Variants in TAF3 observed in about 807,000 individuals in gnomAD.
TAF3 encodes the protein TATA-box binding protein associated factor 3, also known as transcription initiation factor TFIID subunit 3.
Under a neutral mutation model 80.6 loss-of-function variants are expected in TAF3, and 7 were observed. The observed-to-expected ratio is 0.09, with a 90% CI of 0.05 to 0.16. The LOEUF is 0.16. Ranked by LOEUF, TAF3 falls within the 10% of genes least tolerant of loss-of-function variation. The probability of loss-of-function intolerance (pLI) is 1.00; values close to 1 mark genes in which losing one functional copy is unlikely to be tolerated. For synonymous variants in TAF3, 444 were observed against 446.1 expected, an observed-to-expected ratio of 1.00 and a Z score of 0.06; for missense variants, 921 against 1,140.2, an observed-to-expected ratio of 0.81 and a Z score of 2.77.
chr10:7,930,025 G>A (rs1466876508), intron 2 of TAF3, among the ~76,000 whole-genome samples: 3 of 152,144 alleles, frequency 2.0e-5, no homozygotes, highest in Non-Finnish European at 4.4e-5. Context: ...ACGATAGGGA[G>A]GCCCTGACCC....
intron 2 of TAF3, among the ~76,000 whole-genome samples, chr10:7,853,438 C>T (rs1041120012): frequency 1.3e-5 from 2 of 152,042 alleles, no homozygotes; most frequent in Non-Finnish European, 2.9e-5. Flanking sequence ...ATTGTCTAGA[C>T]GTCAGGAGGT....
intron 3 of TAF3, among the ~76,000 whole-genome samples, 179 bp from the exon 4 acceptor site, chr10:7,977,062 T>C (rs1391690658): frequency 6.6e-6 from 1 of 152,250 alleles, no homozygotes; most frequent in Non-Finnish European, 1.5e-5. Flanking sequence ...GAATTTCTCA[T>C]GATGCCAGGT....
At chr10:7,955,020 C>T (rs564632950) in intron 2 of TAF3, among the ~76,000 whole-genome samples, 10 of 141,294 alleles carry the variant, frequency 7.1e-5, no homozygotes, top group South Asian at 6.9e-4. Flanking sequence ...GAATTAGTCC[C>T]AGTTAACACA....
intron 4 of TAF3, among the ~76,000 whole-genome samples, chr10:7,989,104 G>A (rs1831808566): frequency 6.6e-6 from 1 of 152,170 alleles, no homozygotes; most frequent in African/African-American, 2.4e-5. Context: ...GATCTACCAA[G>A]ATTTCAACCC....
At chr10:8,004,224 T>G (rs577062975) in intron 4 of TAF3, among the ~76,000 whole-genome samples, 78 of 152,156 alleles carry the variant, frequency 5.1e-4, no homozygotes, top group Non-Finnish European at 1.1e-3. Flanking sequence ...CTAATTTTTG[T>G]ATTTTTAATA....
intron 2 of TAF3, among the ~76,000 whole-genome samples, chr10:7,927,603 T>C (rs1005519663): frequency 2.0e-5 from 3 of 152,206 alleles, no homozygotes; most frequent in African/African-American, 7.2e-5. Context: ...TCTACAAAAA[T>C]GATTGCTCTA....
chr10:7,888,403 T>G (rs61833223), intron 2 of TAF3, among the ~76,000 whole-genome samples: 1 of 152,226 alleles, frequency 6.6e-6, no homozygotes, highest in African/African-American at 2.4e-5. Context: ...AAAAAAAGTT[T>G]CTTGAATATT....
intron 3 of TAF3, among the ~76,000 whole-genome samples, chr10:7,967,697 A>G (rs1831586363): frequency 6.6e-6 from 1 of 152,240 alleles, no homozygotes; most frequent in Non-Finnish European, 1.5e-5. Flanking sequence ...ATGAGAACAT[A>G]CAAGGTGTGC....
intron 2 of TAF3, among the ~76,000 whole-genome samples, chr10:7,914,612 C>T (rs952130342): frequency 2.0e-5 from 3 of 152,162 alleles, no homozygotes; most frequent in Admixed American, 2.0e-4. Flanking sequence ...ATGATGTTTG[C>T]ATTTTGATGT....
At position 7,911,641 on chromosome 10, in the gene TAF3, A is replaced by G. The variant is rs962756618; in HGVS notation, c.410-52279A>G. On this transcript the variant is annotated intron_variant, in intron 2 of 6. Transcript: ENST00000344293. ...GCAAAGGAGGTGGGTTGTGGGACAC[A>G]GTTTTCATTCATCCTGAACGTACGC... 2.0e-5 allele frequency among the ~76,000 whole-genome samples: 3 copies of G among 152,226 alleles called. No homozygotes were observed. The East Asian group carries it at 5.8e-4, about 29-fold the overall frequency.
At chr10:7,850,894 C>T (rs900166636) in intron 2 of TAF3, among the ~76,000 whole-genome samples, 1 of 152,056 alleles carries the variant, frequency 6.6e-6, no homozygotes, top group African/African-American at 2.4e-5. Context: ...TGTTATGGTA[C>T]TTATTATTCA....
At chr10:7,887,749 G>C (rs1837421759) in intron 2 of TAF3, among the ~76,000 whole-genome samples, 1 of 151,896 alleles carries the variant, frequency 6.6e-6, no homozygotes, top group African/African-American at 2.4e-5. Context: ...GGAAAGTTAA[G>C]GATAGAGAAG....
At chr10:7,908,713 A>C (rs1837628719) in intron 2 of TAF3, among the ~76,000 whole-genome samples, 1 of 152,268 alleles carries the variant, frequency 6.6e-6, no homozygotes, top group Admixed American at 6.5e-5. Flanking sequence ...ACATTTTTCA[A>C]GCCACAAAAC....
Position 7,964,431 on chromosome 10 carries a change from A to G in TAF3, c.921A>G (p.Lys307=). 4 of 1,614,036 alleles carry G rather than the reference A, an allele frequency of 2.5e-6. No individual in the cohort carries two copies. The highest frequency in any genetic ancestry group is 3.4e-6 in the Non-Finnish European group (4 of 1,180,042). The change falls in exon 3 of 7, where the codon AAA becomes AAG. Residue 307 remains lysine (K), a synonymous_variant. Coordinates refer to ENST00000344293, the MANE Select transcript of TAF3 (RefSeq NM_031923.4). The surrounding 1 kb of genome is among the most constrained non-coding windows in gnomAD (Gnocchi z 4.1). ...TTCGATCACCAAAAACTGTATCCAA[A>G]GAAAAGAAATCACCTGGACGTTCCA... The part of the protein sequence containing the change: ...SPIRSPKTVS[K]EKKSPGRSKS...
At position 7,964,621 on chromosome 10, in the gene TAF3, C is replaced by G. The variant is rs1160064143; in HGVS notation, c.1111C>G (p.Leu371Val). ...QIQTPPDAGKLNSENQPKKAV... is the reference protein window; with the variant it reads ...QIQTPPDAGKVNSENQPKKAV... Reference sequence around the variant, plus strand: ...ACAGACACCCCCTGATGCTGGGAAACTGAACAGTGAGAATCAGCCGAAAAA... The same window carrying G: ...ACAGACACCCCCTGATGCTGGGAAAGTGAACAGTGAGAATCAGCCGAAAAA... The change falls in exon 3 of 7, where the codon CTG (leucine) becomes GTG (valine). Residue 371 changes from leucine to valine, a missense_variant. This residue lies in a region of TAF3 where 743 missense variants were observed against 821.0 expected (regional missense o/e 0.90). Transcript: ENST00000344293. The surrounding 1 kb of genome is among the most constrained non-coding windows in gnomAD (Gnocchi z 4.1). 6.2e-7 allele frequency: 1 copy of G among 1,614,018 alleles called. No homozygotes were observed. Among genetic ancestry groups the G allele is most frequent in the African/African-American group, 1.3e-5 (1 of 74,898 alleles).
intron 4 of TAF3, among the ~76,000 whole-genome samples, chr10:7,990,139 A>T (rs1398230456): frequency 6.6e-6 from 1 of 152,186 alleles, no homozygotes. Flanking sequence ...TATATCTCTA[A>T]TGTGTGTTAT....
At chr10:7,895,829 G>A (rs1453590062) in intron 2 of TAF3, among the ~76,000 whole-genome samples, 1 of 152,204 alleles carries the variant, frequency 6.6e-6, no homozygotes, top group Non-Finnish European at 1.5e-5. Context: ...AATGTGCGCA[G>A]TTTTTCTGGC....
chr10:7,913,967 C>T (rs1324713732), intron 2 of TAF3, among the ~76,000 whole-genome samples: 1 of 151,950 alleles, frequency 6.6e-6, no homozygotes, highest in African/African-American at 2.4e-5. Context: ...AAATCAGTGG[C>T]ATGAAAAAAA....
chr10:7,901,243 C>G (rs1837555559), intron 2 of TAF3, among the ~76,000 whole-genome samples: 1 of 152,070 alleles, frequency 6.6e-6, no homozygotes, highest in African/African-American at 2.4e-5. Flanking sequence ...AAAAAGAAAA[C>G]TTTAAAATAC....
Sources: gnomAD v4.1 joint callset for allele counts (sites outside exome capture counted in the v4.1 genomes callset) on GRCh38, gnomAD v4.1.1 for gene constraint, gnomAD v4.1.1 regional missense constraint, Gnocchi (gnomAD v3.1) non-coding constraint, MANE v1.5 for transcripts, NCBI Gene and HGNC (gene_info 2026-07-23, HGNC 2026-07-21) for gene names.